MPZL1: variants seen among roughly 807,000 people sequenced by gnomAD.
MPZL1 encodes the protein myelin protein zero like 1, also known as myelin protein zero-like protein 1.
In MPZL1, 16 loss-of-function variants were observed where a neutral mutation model predicts 29.3. That is an observed-to-expected ratio of 0.55 (90% CI 0.37 to 0.83). The LOEUF (loss-of-function observed/expected upper bound fraction) is 0.83. MPZL1 is among the 40% of genes least tolerant of loss of function. The pLI, the probability that MPZL1 is intolerant of heterozygous loss-of-function variation, is 0.00. For synonymous variants in MPZL1, 143 were observed against 132.0 expected, an observed-to-expected ratio of 1.08 and a Z score of -0.57; for missense variants, 279 against 332.9, an observed-to-expected ratio of 0.84 and a Z score of 1.26.
intron 2 of MPZL1, among the ~76,000 whole-genome samples, chr1:167,767,705 C>A (rs2101784723): frequency 6.6e-6 from 1 of 151,078 alleles, no homozygotes; most frequent in South Asian, 2.1e-4. Flanking sequence ...AAAAGCCATA[C>A]TGTGGATGGC....
intron 5 of MPZL1, among the ~76,000 whole-genome samples, chr1:167,786,554 C>A (rs1340412241): frequency 6.6e-6 from 1 of 152,212 alleles, no homozygotes; most frequent in African/African-American, 2.4e-5. Context: ...GACTGCAGAT[C>A]TGCCAACATT....
intron 5 of MPZL1, among the ~76,000 whole-genome samples, chr1:167,781,667 A>C (rs1258672785): frequency 6.6e-6 from 1 of 152,150 alleles, no homozygotes. Context: ...AAGAAACTAG[A>C]AAAAGAAGAG....
At chr1:167,766,309 A>G (rs1298074896) in intron 2 of MPZL1, among the ~76,000 whole-genome samples, 1 of 152,210 alleles carries the variant, frequency 6.6e-6, no homozygotes, top group Non-Finnish European at 1.5e-5. Flanking sequence ...TAACAGAAAT[A>G]CAGCACCAGA....
At chr1:167,724,105 T>A (rs2101741777) in intron 1 of MPZL1, among the ~76,000 whole-genome samples, 1 of 152,214 alleles carries the variant, frequency 6.6e-6, no homozygotes, top group East Asian at 1.9e-4. Context: ...AGAAGCACAT[T>A]GGTAAAGATG....
intron 1 of MPZL1, among the ~76,000 whole-genome samples, chr1:167,734,134 T>TAGTC (rs1302560130): frequency 1.3e-5 from 2 of 151,606 alleles, no homozygotes; most frequent in African/African-American, 4.9e-5. Context: ...TGGGCACCTG[T>TAGTC]AGTCCCAGCT....
intron 1 of MPZL1, among the ~76,000 whole-genome samples, chr1:167,742,903 C>G (rs554721489): frequency 6.6e-6 from 1 of 152,052 alleles, no homozygotes; most frequent in African/African-American, 2.4e-5. Context: ...CCTTTCCCCA[C>G]TTGATGTTTT....
chr1:167,784,858 A>G (rs1227694647), intron 5 of MPZL1, among the ~76,000 whole-genome samples: 1 of 152,256 alleles, frequency 6.6e-6, no homozygotes, highest in Admixed American at 6.5e-5. Context: ...AAGAATACCA[A>G]GTCCATCAGC....
chr1:167,739,101 C>G (rs971036415), intron 1 of MPZL1, among the ~76,000 whole-genome samples: 112 of 151,528 alleles, frequency 7.4e-4, no homozygotes, highest in African/African-American at 2.6e-3. Context: ...ACCACCATGC[C>G]CAGCTAAGCT....
intron 1 of MPZL1, among the ~76,000 whole-genome samples, chr1:167,742,819 G>A (rs1660560969): frequency 1.3e-5 from 2 of 152,072 alleles, no homozygotes; most frequent in South Asian, 4.1e-4. Context: ...TATAAGGTGA[G>A]AGATGAGGAT....
chr1:167,777,526 G>C (rs143740733), intron 5 of MPZL1, among the ~76,000 whole-genome samples: 6 of 152,180 alleles, frequency 3.9e-5, no homozygotes, highest in Non-Finnish European at 5.9e-5. Context: ...AATTTGGGGA[G>C]GTCAAGGAGG....
chr1:167,746,570 G>A (rs1660651494), intron 1 of MPZL1, among the ~76,000 whole-genome samples: 1 of 152,172 alleles, frequency 6.6e-6, no homozygotes, highest in South Asian at 2.1e-4. Context: ...AGATGGAAGG[G>A]AGAACTTTAC....
chr1:167,732,828 G>A (rs944710495), intron 1 of MPZL1, among the ~76,000 whole-genome samples: 3 of 152,112 alleles, frequency 2.0e-5, no homozygotes, highest in Non-Finnish European at 2.9e-5. Context: ...GGCTGGTCTC[G>A]AGCTCCTGAC....
rs1660215210 is a variant in MPZL1 at position 167,729,116 on chromosome 1, A to G, written c.91+6874A>G. ...CCCCCATCTTTACTGAAAATAAAAAAAAAATTAGCTGGGGGTGGTGGCGCA... is the reference window on the plus strand; with the variant it reads ...CCCCCATCTTTACTGAAAATAAAAAGAAAATTAGCTGGGGGTGGTGGCGCA... On this transcript the variant is annotated intron_variant, in intron 1 of 5. Transcript: ENST00000359523. 2.6e-5 allele frequency among the ~76,000 whole-genome samples: 4 copies of G among 152,112 alleles called. No homozygotes were observed. The South Asian group carries it at 8.3e-4, about 32-fold the overall frequency.
chr1:167,747,306 A>C (rs898164255), intron 1 of MPZL1, among the ~76,000 whole-genome samples: 1 of 152,140 alleles, frequency 6.6e-6, no homozygotes, highest in African/African-American at 2.4e-5. Context: ...CAGCAGCCTC[A>C]ACTATCCAGG....
chr1:167,760,368 A>G (rs980970209), intron 1 of MPZL1, among the ~76,000 whole-genome samples: 6 of 151,902 alleles, frequency 3.9e-5, no homozygotes, highest in African/African-American at 1.2e-4. Flanking sequence ...ACACCAGCTA[A>G]TTCTTTTGTA....
intron 1 of MPZL1, among the ~76,000 whole-genome samples, chr1:167,723,096 C>T (rs1209347952): frequency 1.3e-5 from 2 of 152,230 alleles, no homozygotes; most frequent in Non-Finnish European, 2.9e-5. Flanking sequence ...GTATCTGCCA[C>T]AGGACTTTTC....
chr1:167,767,441 T>C (rs939978341), intron 2 of MPZL1, among the ~76,000 whole-genome samples: 2 of 152,246 alleles, frequency 1.3e-5, no homozygotes, highest in African/African-American at 4.8e-5. Context: ...GGAAACAGTC[T>C]TGTCGTGTAG....
chr1:167,739,925 C>T (rs1481427647), intron 1 of MPZL1, among the ~76,000 whole-genome samples: 1 of 152,168 alleles, frequency 6.6e-6, no homozygotes, highest in Non-Finnish European at 1.5e-5. Context: ...CTCATCAAGT[C>T]TTCCCATCCC....
rs149210401 is a variant in MPZL1, at chr1:167,768,498, G to T, written c.258+2749G>T. ...GTTTTCCTCTTCTTCCTGAATATGGGTGTTTTAAGAGGACTTGCCTGTCTT... is the reference window on the plus strand; with the variant it reads ...GTTTTCCTCTTCTTCCTGAATATGGTTGTTTTAAGAGGACTTGCCTGTCTT... On this transcript the variant is annotated intron_variant, in intron 2 of 5. Coordinates refer to ENST00000359523, the MANE Select transcript of MPZL1 (RefSeq NM_003953.6). Among the ~76,000 whole-genome samples the T allele has an allele frequency of 2.8e-3, 428 of 151,908 alleles. 2 individuals carry two copies. Among genetic ancestry groups the T allele is most frequent in the African/African-American group, 9.6e-3 (399 of 41,382 alleles).
Sources: allele counts gnomAD v4.1 joint callset (sites outside exome capture counted in the v4.1 genomes callset), GRCh38; gene constraint gnomAD v4.1.1; transcripts MANE v1.5; gene names NCBI Gene and HGNC (gene_info 2026-07-23, HGNC 2026-07-21).